Variants in ZNF469 observed in about 807,000 individuals in gnomAD.
ZNF469 encodes the protein zinc finger protein 469.
In ZNF469, 1 loss-of-function variant was observed where a neutral mutation model predicts 1.0. The observed-to-expected ratio is 1.00, with a 90% CI of 0.35 to 4.73. The LOEUF is 4.73. Among genes scored for constraint, ZNF469 ranks in the 30% most tolerant of loss-of-function variants. The pLI, the probability that ZNF469 is intolerant of heterozygous loss-of-function variation, is 0.16. For synonymous variants in ZNF469, 2,703 were observed against 2,363.4 expected, an observed-to-expected ratio of 1.14 and a Z score of -4.17; for missense variants, 6,100 against 5,356.3, an observed-to-expected ratio of 1.14 and a Z score of -4.33.
chr16:88,160,139 C>T, the ZNF469 span, among the ~76,000 whole-genome samples: 9 of 152,186 alleles, frequency 5.9e-5, no homozygotes, highest in Admixed American at 5.9e-4. Context: ...GGTGCTGACC[C>T]CTGTGCCTTT....
At chr16:88,212,112 G>T in the ZNF469 span, among the ~76,000 whole-genome samples, 4 of 152,078 alleles carry the variant, frequency 2.6e-5, no homozygotes, top group Non-Finnish European at 5.9e-5. Context: ...TCTTAAAGTT[G>T]CCTGCTATTT....
the ZNF469 span, among the ~76,000 whole-genome samples, chr16:88,165,134 G>A: frequency 7.9e-5 from 12 of 152,202 alleles, no homozygotes; most frequent in East Asian, 1.9e-4. Flanking sequence ...GCCTCAGCCC[G>A]AAGGTAGAGG....
At chr16:88,416,485 T>C (rs1383302526) in intron 1 of ZNF469, among the ~76,000 whole-genome samples, 1 of 151,962 alleles carries the variant, frequency 6.6e-6, no homozygotes, top group Non-Finnish European at 1.5e-5. Context: ...GTGATCTTAG[T>C]GGTGTGTGAC....
the ZNF469 span, among the ~76,000 whole-genome samples, chr16:88,345,678 G>A: frequency 2.0e-5 from 3 of 152,182 alleles, no homozygotes; most frequent in Admixed American, 1.3e-4. Context: ...GGCTCACCAT[G>A]CAGGGAAGGG....
At chr16:88,180,033 T>A in the ZNF469 span, among the ~76,000 whole-genome samples, 7 of 152,230 alleles carry the variant, frequency 4.6e-5, no homozygotes, top group African/African-American at 1.7e-4. Flanking sequence ...ATAGTGAAGA[T>A]AAAATGAAAT....
chr16:88,331,680 CTAT>C, the ZNF469 span, among the ~76,000 whole-genome samples: 3 of 151,238 alleles, frequency 2.0e-5, no homozygotes, highest in Admixed American at 6.6e-5. Flanking sequence ...ACCACCATCA[CTAT>C]TATCACCATC....
chr16:88,427,448 C>T lies in ZNF469; in HGVS notation c.-23C>T. ...GGCCCCCCTCGGACAGCTGCGTCGTCCTAGCGCCAGGACGGAGGGGCCATG... is the reference window on the plus strand; with the variant it reads ...GGCCCCCCTCGGACAGCTGCGTCGTTCTAGCGCCAGGACGGAGGGGCCATG... On this transcript the variant is annotated 5_prime_UTR_variant, in exon 3 of 3. Coordinates refer to ENST00000565624, the MANE Select transcript of ZNF469 (RefSeq NM_001367624.2). The T allele has an allele frequency of 2.7e-6, 4 of 1,472,914 alleles. No individual in the cohort carries two copies. The highest frequency in any genetic ancestry group is 3.6e-6 in the Non-Finnish European group (4 of 1,113,930). The allele number at this position is 1,472,914 out of a possible 1,614,324, so 91.2% of individuals were successfully genotyped here.
the ZNF469 span, among the ~76,000 whole-genome samples, chr16:88,121,105 C>T: frequency 6.9e-5 from 4 of 58,142 alleles, no homozygotes; most frequent in African/African-American, 1.4e-4. Context: ...GTACCATGCA[C>T]GGTGGGATGG....
intron 1 of ZNF469, among the ~76,000 whole-genome samples, chr16:88,397,978 C>T (rs935364111): frequency 1.5e-4 from 23 of 152,310 alleles, no homozygotes; most frequent in Admixed American, 1.2e-3. Flanking sequence ...TGCCCAGAGC[C>T]GGGCACAGGA....
chr16:88,323,899 G>T, the ZNF469 span, among the ~76,000 whole-genome samples: 1 of 152,244 alleles, frequency 6.6e-6, no homozygotes, highest in South Asian at 2.1e-4. Context: ...GGCACGTGGG[G>T]GTGCCCACCA....
chr16:88,128,202 G>A, the ZNF469 span, among the ~76,000 whole-genome samples: 5 of 152,120 alleles, frequency 3.3e-5, no homozygotes, highest in East Asian at 5.8e-4. Context: ...GGCCCCTCTC[G>A]AGGCCAAGGG....
At chr16:88,232,030 C>T in the ZNF469 span, among the ~76,000 whole-genome samples, 6 of 152,148 alleles carry the variant, frequency 3.9e-5, no homozygotes, top group Non-Finnish European at 8.8e-5. Context: ...GTGGACCCTC[C>T]GGGCAGGCTC....
At chr16:88,131,865 C>T in the ZNF469 span, among the ~76,000 whole-genome samples, 1 of 152,192 alleles carries the variant, frequency 6.6e-6, no homozygotes, top group African/African-American at 2.4e-5. Context: ...AATTCCCCTC[C>T]TGGTGGGTGG....
chr16:88,343,638 G>C, the ZNF469 span, among the ~76,000 whole-genome samples: 1 of 152,088 alleles, frequency 6.6e-6, no homozygotes. Flanking sequence ...CAGCATCTGA[G>C]GCAGCACAGG....
chr16:88,196,742 G>A, the ZNF469 span, among the ~76,000 whole-genome samples: 9 of 152,238 alleles, frequency 5.9e-5, no homozygotes, highest in Admixed American at 5.9e-4. Flanking sequence ...AGATAGGAAA[G>A]TGAGGCTCAG....
the ZNF469 span, among the ~76,000 whole-genome samples, chr16:88,208,371 C>T: frequency 6.6e-6 from 1 of 150,976 alleles, no homozygotes; most frequent in Admixed American, 6.6e-5. Context: ...CAAAAGGTAT[C>T]CAGAAACCAA....
chr16:88,133,742 G>A, the ZNF469 span, among the ~76,000 whole-genome samples: 1 of 152,080 alleles, frequency 6.6e-6, no homozygotes, highest in Non-Finnish European at 1.5e-5. Context: ...TAAAATTCTT[G>A]TGTTTTGAAT....
intron 1 of ZNF469, among the ~76,000 whole-genome samples, chr16:88,395,918 G>T (rs569439116): frequency 6.6e-5 from 10 of 152,302 alleles, no homozygotes; most frequent in Admixed American, 1.3e-4. Context: ...CTGTCCCGAG[G>T]GTCCTGACCC....
At chr16:88,261,901 C>T in the ZNF469 span, among the ~76,000 whole-genome samples, 1 of 152,162 alleles carries the variant, frequency 6.6e-6, no homozygotes, top group East Asian at 1.9e-4. The surrounding 1 kb of genome is among the most constrained non-coding windows in gnomAD (Gnocchi z 6.0). Context: ...CTCGGAGGCC[C>T]CCTCTCTGAG....
Sources: gnomAD v4.1 joint callset for allele counts (sites outside exome capture counted in the v4.1 genomes callset) on GRCh38, gnomAD v4.1.1 for gene constraint, Gnocchi (gnomAD v3.1) non-coding constraint, MANE v1.5 for transcripts, NCBI Gene and HGNC (gene_info 2026-07-23, HGNC 2026-07-21) for gene names.